Variants in CIB1 observed in about 807,000 individuals in gnomAD.
CIB1 encodes the protein calcium and integrin binding 1.
In CIB1, 19 loss-of-function variants were observed where a neutral mutation model predicts 25.0. That is an observed-to-expected ratio of 0.76 (90% confidence interval 0.53 to 1.12). The LOEUF (loss-of-function observed/expected upper bound fraction) is 1.12, where lower values mean the gene tolerates loss of function less well. Ranked by LOEUF, CIB1 falls within the 50% of genes most tolerant of loss-of-function variation. The probability of loss-of-function intolerance (pLI) is 0.00; values close to 1 mark genes in which losing one functional copy is unlikely to be tolerated. For missense variants in CIB1, 236 were observed against 242.6 expected (o/e 0.97, Z 0.18); for synonymous variants, 104 against 98.5 (o/e 1.06, Z -0.33).
chr15:90,240,950 G>A, the CIB1 span: 1 of 1,613,904 alleles, frequency 6.2e-7, no homozygotes, highest in Non-Finnish European at 8.5e-7. Context: ...CCTATTTGCT[G>A]CCTCCCAACA....
At chr15:90,240,095 T>TTCCTGTAA in the CIB1 span, among the ~76,000 whole-genome samples, 2 of 148,448 alleles carry the variant, frequency 1.3e-5, no homozygotes, top group African/African-American at 2.6e-5. Context: ...TGGTGGCACA[T>TTCCTGTAA]TCCTATAATC....
the CIB1 span, chr15:90,265,262 G>A: frequency 1.6e-6 from 2 of 1,265,838 alleles, no homozygotes; most frequent in Non-Finnish European, 2.0e-6. Flanking sequence ...TGAACCCTAG[G>A]TGCGGCCCGG....
chr15:90,261,552 G>A, the CIB1 span, among the ~76,000 whole-genome samples: 1 of 151,980 alleles, frequency 6.6e-6, no homozygotes. Context: ...CAGCACTTTG[G>A]GAGGCCGAGG....
At chr15:90,233,958 C>T, upstream of CIB1, 1 of 1,414,762 alleles carries the variant, frequency 7.1e-7, no homozygotes, top group South Asian at 1.5e-5. Flanking sequence ...GCCCTTGGGC[C>T]GCGTCACTGC....
At chr15:90,258,017 T>C in the CIB1 span, 1 of 1,611,098 alleles carries the variant, frequency 6.2e-7, no homozygotes, top group Non-Finnish European at 8.5e-7. Flanking sequence ...CTGGCCTTCC[T>C]CTGAGCACTG....
chr15:90,257,098 A>G, the CIB1 span: 1 of 1,593,670 alleles, frequency 6.3e-7, no homozygotes, highest in East Asian at 2.2e-5. Context: ...TAGGCACTTC[A>G]AAAGTGTTAT....
At chr15:90,248,166 T>G in the CIB1 span, among the ~76,000 whole-genome samples, 6 of 152,116 alleles carry the variant, frequency 3.9e-5, no homozygotes, top group East Asian at 1.2e-3. Context: ...TCAGTCTTCC[T>G]AGTAGCTGGG....
chr15:90,241,355 G>T, the CIB1 span: 1 of 1,614,196 alleles, frequency 6.2e-7, no homozygotes. Context: ...GGACTCTGCT[G>T]CAAGAAGACA....
chr15:90,255,275 G>A, the CIB1 span, among the ~76,000 whole-genome samples: 1 of 152,232 alleles, frequency 6.6e-6, no homozygotes, highest in African/African-American at 2.4e-5. Flanking sequence ...GAGCAGCCAG[G>A]GGTTTCTGGC....
chr15:90,255,964 A>C, the CIB1 span: 28 of 1,603,894 alleles, frequency 1.7e-5, 1 homozygote, highest in South Asian at 1.8e-4. Flanking sequence ...CTTGTGACCT[A>C]GGAATGTCTC....
At chr15:90,236,505 C>T (rs1414106532), upstream of CIB1, among the ~76,000 whole-genome samples, 1 of 152,168 alleles carries the variant, frequency 6.6e-6, no homozygotes, top group African/African-American at 2.4e-5. Context: ...CAGCAAGAAC[C>T]TTTTGTGCCA....
chr15:90,233,376 C>T (rs1456431293), intron 2 of CIB1, among the ~76,000 whole-genome samples: 1 of 152,250 alleles, frequency 6.6e-6, no homozygotes, highest in Admixed American at 6.5e-5. Flanking sequence ...TCGGCCCCTG[C>T]CGGACTGGGG....
At chr15:90,263,568 C>A in the CIB1 span, 42 of 566,380 alleles carry the variant, frequency 7.4e-5, no homozygotes, top group Admixed American at 6.7e-4. Context: ...TTTCACTATT[C>A]CCTGGGCTGG....
intron 3 of CIB1, 27 bp downstream of exon 3, chr15:90,232,192 G>C (rs1311683619): frequency 2.6e-6 from 4 of 1,559,752 alleles, no homozygotes; most frequent in Non-Finnish European, 2.6e-6. Flanking sequence ...TGGTGGGAGA[G>C]GTGTCAAAGG....
upstream of CIB1, among the ~76,000 whole-genome samples, chr15:90,238,327 TTTCTAAGTGTATAGTCGTGTTAAG>T (rs1280209550): frequency 4.6e-5 from 7 of 152,190 alleles, no homozygotes; most frequent in Admixed American, 2.0e-4. Context: ...ATCTGAACCA[TTTCTAAGTGTATAGTCGTGTTAAG>T]CACATTCACG....
At chr15:90,231,327 G>C (rs765301247) in intron 4 of CIB1, 30 bp downstream of exon 4, 3 of 1,611,244 alleles carry the variant, frequency 1.9e-6, no homozygotes, top group Non-Finnish European at 2.5e-6. Context: ...GGAAGGGGTG[G>C]TGTCCTGCCG....
the CIB1 span, among the ~76,000 whole-genome samples, chr15:90,248,786 C>T: frequency 0.45 from 47,019 of 105,112 alleles, 8,394 homozygotes; most frequent in East Asian, 0.74. Context: ...AGGATGGAAA[C>T]ATTTTAAGTG....
chr15:90,231,851 T>C (rs1962501223), intron 3 of CIB1, among the ~76,000 whole-genome samples: 2 of 152,252 alleles, frequency 1.3e-5, no homozygotes, highest in Non-Finnish European at 2.9e-5. Flanking sequence ...TGAACAGCTA[T>C]TGTGTTACAG....
chr15:90,256,602 TTTCTTTCC>T, the CIB1 span, among the ~76,000 whole-genome samples: 634 of 28,658 alleles, frequency 0.022, 1 homozygote, highest in East Asian at 0.046. Context: ...TCTTTCTTTC[TTTCTTTCC>T]TTCCTTCCTT....
Sources: allele counts gnomAD v4.1 joint callset (sites outside exome capture counted in the v4.1 genomes callset), GRCh38; gene constraint gnomAD v4.1.1; transcripts MANE v1.5; gene names NCBI Gene and HGNC (gene_info 2026-07-23, HGNC 2026-07-21).